The following PMS2 variants were observed in gnomAD, a reference collection of about 807,000 sequenced individuals.
PMS2 encodes PMS1 homolog 2, mismatch repair system component.
Under a neutral mutation model 90.0 loss-of-function variants are expected in PMS2, and 69 were observed. The ratio of observed to expected loss-of-function variants is 0.77; its 90% CI spans 0.63 to 0.94. The LOEUF (loss-of-function observed/expected upper bound fraction) is 0.94, where lower values mean the gene tolerates loss of function less well. Among genes scored for constraint, PMS2 ranks in the 40% least tolerant of loss-of-function variants. The pLI is 0.00. For missense variants in PMS2, 966 were observed against 1,040.2 expected, an observed-to-expected ratio of 0.93 and a Z score of 0.98; for synonymous variants, 332 against 375.1, an observed-to-expected ratio of 0.89 and a Z score of 1.33.
At chr7:5,997,756 T>C (rs1583377676) in intron 6 of PMS2, among the ~76,000 whole-genome samples, 1 of 152,182 alleles carries the variant, frequency 6.6e-6, no homozygotes, top group African/African-American at 2.4e-5. Flanking sequence ...TGCCGTGTTA[T>C]CCAAGCTGGT....
At position 5,973,492 on chromosome 7, in the gene PMS2, G is replaced by C. The variant is rs746653856; in HGVS notation, c.2496C>G (p.Thr832=). 14 of 664,202 alleles carry C rather than the reference G, an allele frequency of 2.1e-5. 3 individuals carry two copies. The highest frequency in any genetic ancestry group is 2.5e-6 in the Non-Finnish European group (1 of 397,658). 41.1% of individuals were successfully genotyped at this position (664,202 alleles called of 1,614,324 possible). A position where few individuals can be genotyped will look rare whatever the true frequency, so the allele number is the denominator to read the frequency against. Residue 832 remains threonine, a synonymous_variant, in exon 15 of 15, where the codon ACC becomes ACG. Transcript: ENST00000265849. ...AGGGGTGGTCCATCTCCCCCATGTGGGTGATCAGTTTCTTCATCTCGCTTG... is the reference window on the plus strand; with the variant it reads ...AGGGGTGGTCCATCTCCCCCATGTGCGTGATCAGTTTCTTCATCTCGCTTG... The part of the protein sequence containing the change: ...LNTSEMKKLI[T]HMGEMDHPWN...
chr7:6,002,291 A>G (rs546521888), intron 5 of PMS2, 162 bp downstream of exon 5: 12 of 628,434 alleles, frequency 1.9e-5, no homozygotes, highest in African/African-American at 1.8e-4. Flanking sequence ...AAATCATCCT[A>G]AAGTTAAGTC....
chr7:6,003,865 A>G (rs1785398488), intron 3 of PMS2, 73 bp from the exon 4 acceptor site: 18 of 1,260,826 alleles, frequency 1.4e-5, no homozygotes. Context: ...GATATCTAGT[A>G]ACTGGCTTTA....
At chr7:6,001,669 G>C (rs1048693954) in intron 5 of PMS2, among the ~76,000 whole-genome samples, 14 of 151,694 alleles carry the variant, frequency 9.2e-5, no homozygotes, top group Non-Finnish European at 5.9e-5. Flanking sequence ...GTGCCTGGCC[G>C]AGAAATATTC....
intron 10 of PMS2, among the ~76,000 whole-genome samples, chr7:5,988,600 A>C (rs1783353249): frequency 6.6e-6 from 1 of 152,162 alleles, no homozygotes; most frequent in African/African-American, 2.4e-5. Flanking sequence ...GCTCGTCAAA[A>C]AGACGTGGAT....
In PMS2 at chr7:5,987,035, T is replaced by C. The variant is rs2128724485; in HGVS notation, c.1730A>G (p.Lys577Arg). The change falls in exon 11 of 15, where the codon AAG (lysine) becomes AGG (arginine). Residue 577 changes from lysine (K) to arginine (R), a missense_variant. By Grantham distance (26) the Lys-to-Arg change is conservative (BLOSUM62 2). Around this residue, in one of 2 missense-constraint regions of PMS2, gnomAD observed 871 missense variants for 802.4 expected, o/e 1.09. Transcript: ENST00000265849. ...AAGAATTTCTTCTTTTTTAAAACGCTTTGTGTTTGGGGTTGCGAGATTAGT... is the reference window on the plus strand; with the variant it reads ...AAGAATTTCTTCTTTTTTAAAACGCCTTGTGTTTGGGGTTGCGAGATTAGT... ...QPTNLATPNT[K>R]RFKKEEILSS... The C allele has an allele frequency of 6.2e-7, 1 of 1,614,170 alleles. No individual in the cohort carries two copies. The highest frequency in any genetic ancestry group is 8.5e-7 in the Non-Finnish European group (1 of 1,180,034).
chr7:5,990,226 T>A (rs748046340), intron 9 of PMS2, among the ~76,000 whole-genome samples: 1 of 152,226 alleles, frequency 6.6e-6, no homozygotes, highest in Non-Finnish European at 1.5e-5. Flanking sequence ...CAGGCTGGTC[T>A]CGAACTCACA....
chr7:5,987,379 G>T lies in PMS2; in HGVS notation c.1386C>A (p.Ile462=). 6.2e-7 allele frequency: 1 copy of T among 1,614,186 alleles called. No homozygotes were observed. The highest frequency in any genetic ancestry group is 8.5e-7 in the Non-Finnish European group (1 of 1,180,040). ...GMLSSSTSGA[I]SDKGVLRPQK... is the part of the protein sequence containing the mutation. Reference sequence around the variant, plus strand: ...GAGGTCTCAGGACGCCTTTGTCAGAGATGGCACCTGAAGTGCTAGAAGACA... The same window carrying T: ...GAGGTCTCAGGACGCCTTTGTCAGATATGGCACCTGAAGTGCTAGAAGACA... The change falls in exon 11 of 15, where the codon ATC becomes ATA. Residue 462 remains isoleucine, a synonymous_variant. Transcript: ENST00000265849.
intron 5 of PMS2, among the ~76,000 whole-genome samples, chr7:6,001,705 C>G (rs1417175479): frequency 3.3e-5 from 5 of 151,920 alleles, no homozygotes. Flanking sequence ...TACATAAGGC[C>G]AGGCATGGTG....
At chr7:5,997,872 G>T (rs747661570) in intron 6 of PMS2, among the ~76,000 whole-genome samples, 1 of 151,962 alleles carries the variant, frequency 6.6e-6, no homozygotes, top group East Asian at 1.9e-4. Flanking sequence ...GGGATTACAT[G>T]TGTGAGCCGT....
chr7:5,993,570 T>A (rs1784013558), intron 8 of PMS2, among the ~76,000 whole-genome samples: 2 of 151,084 alleles, frequency 1.3e-5, no homozygotes, highest in Admixed American at 6.6e-5. Context: ...ATAGAAAATA[T>A]AGAAACCATG....
In PMS2 at chr7:5,999,190, T is replaced by C. The variant is rs1554302423; in HGVS notation, c.623A>G (p.Gln208Arg). ...IRVSCTNQLGQGKRQPVVCTG... is the reference protein window; with the variant it reads ...IRVSCTNQLGRGKRQPVVCTG... The stretch of plus-strand genomic sequence containing the variant: ...GCATACCACAGGCTGTCGTTTTCCT[T>C]GTCCAAGCTGATTGGTGCAACTTAC... The change falls in exon 6 of 15, where the codon CAA (glutamine) becomes CGA (arginine). Residue 208 changes from glutamine (Q) to arginine (R), a missense_variant. Physicochemically the swap from Gln to Arg is conservative, Grantham distance 43. This residue lies in a region of PMS2 where 871 missense variants were observed against 802.4 expected (regional missense o/e 1.09). Coordinates refer to ENST00000265849, the MANE Select transcript of PMS2 (RefSeq NM_000535.7). 1 of 1,614,142 alleles carries C rather than the reference T, an allele frequency of 6.2e-7. No individual in the cohort carries two copies. The highest frequency in any genetic ancestry group is 8.5e-7 in the Non-Finnish European group (1 of 1,180,026).
In PMS2 at chr7:5,995,606, C is replaced by A. The variant is rs116481522; in HGVS notation, c.831G>T (p.Thr277=). The A allele has an allele frequency of 6.2e-7, 1 of 1,613,502 alleles. No individual in the cohort carries two copies. The highest frequency in any genetic ancestry group is 8.5e-7 in the Non-Finnish European group (1 of 1,179,474). ...CTGTTGAACTCCTTCCAACTCCATG[C>A]GTGCATTGTGAAATGAAACCTGAGA... The part of the protein sequence containing the change: ...FYISGFISQC[T]HGVGRSSTDR... The change falls in exon 8 of 15, where the codon ACG becomes ACT. Residue 277 remains threonine (T), a synonymous_variant. Transcript: ENST00000265849.
rs2128829529 is a variant in PMS2, at chr7:6,003,989, T to C, written c.233A>G (p.Glu78Gly). The C allele has an allele frequency of 6.2e-7, 1 of 1,601,106 alleles. No homozygotes were observed. The highest frequency in any genetic ancestry group is 8.5e-7 in the Non-Finnish European group (1 of 1,169,968). ...CAACTTACTTAAGCCTTCGAAGTTT[T>C]CTTCTTCTACCCCACATCCATTGTC... ...VSDNGCGVEE[E>G]NFEGLTLKHH... Residue 78 changes from glutamate (E) to glycine (G), a missense_variant, in exon 3 of 15, where the codon GAA becomes GGA. Physicochemically the swap from Glu to Gly is moderately conservative, Grantham distance 98. This residue lies in a region of PMS2 where 871 missense variants were observed against 802.4 expected (regional missense o/e 1.09). Coordinates refer to ENST00000265849, the MANE Select transcript of PMS2 (RefSeq NM_000535.7).
chr7:6,002,536 G>A lies in PMS2; in HGVS notation c.454C>T (p.Pro152Ser), dbSNP rs2128817422. ...KIIQKTPYPRPRGTTVSVQQL... is the reference protein window; with the variant it reads ...KIIQKTPYPRSRGTTVSVQQL... ...TGCACGCTGACTGTGGTCCCTCTGG[G>A]GCGGGGGTAGGGGGTTTTCTGGATA... The change falls in exon 5 of 15, where the codon CCC (proline) becomes TCC (serine). Residue 152 changes from proline to serine, a missense_variant. Physicochemically the swap from Pro to Ser is moderately conservative, Grantham distance 74 (BLOSUM62 -1). Around this residue, in one of 2 missense-constraint regions of PMS2, gnomAD observed 871 missense variants for 802.4 expected, o/e 1.09. Coordinates refer to ENST00000265849, the MANE Select transcript of PMS2 (RefSeq NM_000535.7). 1 of 1,611,736 alleles carries A rather than the reference G, an allele frequency of 6.2e-7. No individual in the cohort carries two copies. The highest frequency in any genetic ancestry group is 1.1e-5 in the South Asian group (1 of 90,980).
chr7:6,002,778 T>C, intron 4 of PMS2, 142 bp from the exon 5 acceptor site: 2 of 749,788 alleles, frequency 2.7e-6, no homozygotes, highest in East Asian at 2.5e-5. Flanking sequence ...ATCTAAATGG[T>C]TGAGGAGTCA....
rs12538294 is a variant in PMS2 at position 6,004,166 on chromosome 7, C to G, written c.164-108G>C. The G allele has an allele frequency of 0.075, 52,465 of 698,068 alleles. 4,223 individuals are homozygous for G. Among genetic ancestry groups the G allele is most frequent in the East Asian group, 0.36 (13,351 of 37,524 alleles). 43.2% of individuals were successfully genotyped at this position (698,068 alleles called of 1,614,324 possible). A position where few individuals can be genotyped will look rare whatever the true frequency, so the allele number is the denominator to read the frequency against. ...GCAAATTTAAGAGTCATAACTATAC[C>G]TTTAGTTAAACATACTAGTGTCATT... On this transcript the variant is annotated intron_variant, in intron 2 of 14. Coordinates refer to ENST00000265849, the MANE Select transcript of PMS2 (RefSeq NM_000535.7).
rs777148436 is a variant in PMS2, at chr7:5,997,409, A to T, written c.720T>A (p.Ile240=). The change falls in exon 7 of 15, where the codon ATT becomes ATA. Residue 240 remains isoleucine, a synonymous_variant. Coordinates refer to ENST00000265849, the MANE Select transcript of PMS2 (RefSeq NM_000535.7). ...CACTAGGGGGCAGCTGAACAAAAGG[A>T]ATGAGGCTTTGCAACTGAAAAAAAA... ...VFGQKQLQSL[I]PFVQLPPSDS... 1.3e-5 allele frequency: 21 copies of T among 1,586,500 alleles called. No individual in the cohort carries two copies. Among genetic ancestry groups the T allele is most frequent in the Non-Finnish European group, 1.8e-5 (21 of 1,160,770 alleles).
chr7:5,993,131 G>T (rs1246601301), intron 8 of PMS2, among the ~76,000 whole-genome samples: 3 of 152,102 alleles, frequency 2.0e-5, no homozygotes, highest in Non-Finnish European at 4.4e-5. Flanking sequence ...AGCACTTTGG[G>T]AGGTCAAGGC....
Sources: allele counts gnomAD v4.1 joint callset (sites outside exome capture counted in the v4.1 genomes callset), GRCh38; gene constraint gnomAD v4.1.1; regional missense constraint gnomAD v4.1.1; transcripts MANE v1.5; gene names NCBI Gene and HGNC (gene_info 2026-07-23, HGNC 2026-07-21).